APC: variants seen among roughly 807,000 people sequenced by gnomAD.
APC encodes the protein APC regulator of Wnt signaling pathway, also known as adenomatous polyposis coli protein.
A neutral mutation model predicts 247.0 loss-of-function variants in APC; 72 were observed. The ratio of observed to expected loss-of-function variants is 0.29; its 90% CI spans 0.24 to 0.35. The LOEUF (loss-of-function observed/expected upper bound fraction) is 0.35, where lower values mean the gene tolerates loss of function less well. Ranked by LOEUF, APC falls within the 10% of genes least tolerant of loss-of-function variation. The probability of loss-of-function intolerance (pLI) is 1.00; values close to 1 mark genes in which losing one functional copy is unlikely to be tolerated. For missense variants in APC, 3,400 were observed against 3,360.7 expected (o/e 1.01, Z -0.29); for synonymous variants, 1,254 against 1,162.5 (o/e 1.08, Z -1.60).
intron 2 of APC, among the ~76,000 whole-genome samples, chr5:112,759,542 G>C (rs1248589791): frequency 6.6e-6 from 1 of 151,746 alleles, no homozygotes; most frequent in Non-Finnish European, 1.5e-5. Flanking sequence ...ATTTTTAGTA[G>C]AGATGGGGTT....
Position 112,839,270 on chromosome 5 carries a change from A to G in APC, c.3676A>G (p.Lys1226Glu), listed in dbSNP as rs1765491326. ...TACGTCCACACCTTCATCTAATGCC[A>G]AGAGGCAGAATCAGCTCCATCCAAG... ...ENTSTPSSNA[K>E]RQNQLHPSSA... Residue 1226 changes from lysine (K) to glutamate (E), a missense_variant, in exon 16 of 16, where the codon AAG becomes GAG. This residue lies in a region of APC where 715 missense variants were observed against 656.6 expected (regional missense o/e 1.09). Coordinates refer to ENST00000257430, the MANE Select transcript of APC (RefSeq NM_000038.6). The surrounding 1 kb of genome is among the most constrained non-coding windows in gnomAD (Gnocchi z 5.0). 6.2e-7 allele frequency: 1 copy of G among 1,614,174 alleles called. No individual in the cohort carries two copies. Among genetic ancestry groups the G allele is most frequent in the South Asian group, 1.1e-5 (1 of 91,084 alleles).
At chr5:112,827,004 C>T in intron 11 of APC, 104 bp from the exon 12 acceptor site, 1 of 1,120,438 alleles carries the variant, frequency 8.9e-7, no homozygotes, top group South Asian at 1.4e-5. Flanking sequence ...ACCATATATT[C>T]TCATTGATTG....
intron 5 of APC, chr5:112,777,817 C>T (rs908416871): frequency 4.0e-5 from 10 of 252,602 alleles, no homozygotes; most frequent in African/African-American, 1.8e-4. Flanking sequence ...CCAATTACTC[C>T]TTCAGGATCA....
chr5:112,777,319 T>A (rs1356260237), intron 5 of APC, among the ~76,000 whole-genome samples: 2 of 152,178 alleles, frequency 1.3e-5, no homozygotes, highest in African/African-American at 4.8e-5. Context: ...GAATGGTCCT[T>A]AGGCATATGA....
At chr5:112,832,643 C>T (rs1392799624) in intron 14 of APC, among the ~76,000 whole-genome samples, 1 of 152,178 alleles carries the variant, frequency 6.6e-6, no homozygotes, top group African/African-American at 2.4e-5. Context: ...TCAGTACTCC[C>T]GCGCTGATTC....
chr5:112,734,910 C>A (rs754881745), upstream of APC, among the ~76,000 whole-genome samples: 17 of 151,500 alleles, frequency 1.1e-4, no homozygotes, highest in Non-Finnish European at 2.5e-4. Flanking sequence ...CATGCCTCAG[C>A]CTCCCAAGTA....
At chr5:112,728,039 C>A (rs925673503) in intron 1 of APC, among the ~76,000 whole-genome samples, 1 of 151,700 alleles carries the variant, frequency 6.6e-6, no homozygotes, top group Non-Finnish European at 1.5e-5. Context: ...CGGCCCAACA[C>A]AAATTCATAA....
chr5:112,819,510 A>G (rs1762899013), intron 10 of APC, among the ~76,000 whole-genome samples, 166 bp downstream of exon 10: 1 of 152,242 alleles, frequency 6.6e-6, no homozygotes, highest in Non-Finnish European at 1.5e-5. Flanking sequence ...GTATTTCCCT[A>G]GAAAAATTTA....
At position 112,771,387 on chromosome 5, in the gene APC, C is replaced by A. The variant is rs6876867; in HGVS notation, c.422+3997C>A. 6.6e-6 allele frequency among the ~76,000 whole-genome samples: 1 copy of A among 152,108 alleles called. No individual in the cohort carries two copies. Among genetic ancestry groups the A allele is most frequent in the Non-Finnish European group, 1.5e-5 (1 of 67,994 alleles). On this transcript the variant is annotated intron_variant, in intron 4 of 15. Transcript: ENST00000257430. ...TACCATTTGCTTCCTGAGCCTGCTACAAGACTGTCATACCACTGTTGTCAT... is the reference window on the plus strand; with the variant it reads ...TACCATTTGCTTCCTGAGCCTGCTAAAAGACTGTCATACCACTGTTGTCAT...
At position 112,842,279 on chromosome 5, in the gene APC, A is replaced by G. The variant is rs757939439; in HGVS notation, c.6685A>G (p.Thr2229Ala). Reference protein sequence around the residue: ...ANMPSISRGRTMIHIPGVRNS... With the variant: ...ANMPSISRGRAMIHIPGVRNS... ...CATGCCTTCAATCTCTCGAGGCAGG[A>G]CAATGATTCATATTCCAGGAGTTCG... Residue 2229 changes from threonine to alanine, a missense_variant, in exon 16 of 16, where the codon ACA becomes GCA. By Grantham distance (58) the Thr-to-Ala change is moderately conservative. Coordinates refer to ENST00000257430, the MANE Select transcript of APC (RefSeq NM_000038.6). The G allele has an allele frequency of 5.6e-6, 9 of 1,614,028 alleles. No homozygotes were observed. Among genetic ancestry groups the G allele is most frequent in the Admixed American group, 1.7e-5 (1 of 60,008 alleles).
intron 6 of APC, among the ~76,000 whole-genome samples, chr5:112,791,766 A>G (rs1759628521): frequency 6.6e-6 from 1 of 152,220 alleles, no homozygotes; most frequent in Non-Finnish European, 1.5e-5. Flanking sequence ...GATTAATATA[A>G]AAGATTAAAT....
chr5:112,729,833 A>G (rs1047245634), intron 1 of APC, among the ~76,000 whole-genome samples: 1 of 152,244 alleles, frequency 6.6e-6, no homozygotes, highest in Non-Finnish European at 1.5e-5. Flanking sequence ...TTTTGCATGC[A>G]TAAGTTTTAT....
rs1765993950 is a variant in APC at position 112,841,212 on chromosome 5, A to G, written c.5618A>G (p.Asp1873Gly). Residue 1873 changes from aspartate to glycine, a missense_variant, in exon 16 of 16, where the codon GAC becomes GGC. Physicochemically the swap from Asp to Gly is moderately conservative, Grantham distance 94. Transcript: ENST00000257430. This position sits in a 1 kb window ranked among gnomAD's most constrained non-coding sequence, Gnocchi z 4.6. ...CTAGATTTTGATGATGATGATGTTG[A>G]CCTTTCCAGGGAAAAGGCTGAATTA... ...SSLDFDDDDVDLSREKAELRK... is the reference protein window; with the variant it reads ...SSLDFDDDDVGLSREKAELRK... The G allele has an allele frequency of 6.2e-7, 1 of 1,613,790 alleles. No homozygotes were observed. Among genetic ancestry groups the G allele is most frequent in the African/African-American group, 1.3e-5 (1 of 74,892 alleles).
chr5:112,719,425 G>C (rs1347242725), intron 1 of APC, among the ~76,000 whole-genome samples: 1 of 151,040 alleles, frequency 6.6e-6, no homozygotes, highest in Non-Finnish European at 1.5e-5. Flanking sequence ...GTTTTACCAT[G>C]TTGGCCAGGC....
At chr5:112,721,490 G>A (rs1398222092) in intron 1 of APC, among the ~76,000 whole-genome samples, 3 of 152,146 alleles carry the variant, frequency 2.0e-5, no homozygotes, top group African/African-American at 7.2e-5. Flanking sequence ...TGGAGATGAC[G>A]CAGTTATTGA....
intron 1 of APC, among the ~76,000 whole-genome samples, chr5:112,719,272 C>T (rs753040662): frequency 3.3e-5 from 5 of 151,358 alleles, no homozygotes; most frequent in Non-Finnish European, 5.9e-5. Flanking sequence ...GGCTGGAGTA[C>T]AGTGGCACAA....
chr5:112,778,250 T>C (rs1757897535), intron 5 of APC: 1 of 156,022 alleles, frequency 6.4e-6, no homozygotes, highest in Admixed American at 6.5e-5. Flanking sequence ...GGGTTATAGG[T>C]CTGCAGTGTT....
chr5:112,763,316 C>T (rs1361547030), intron 2 of APC, among the ~76,000 whole-genome samples: 1 of 151,140 alleles, frequency 6.6e-6, no homozygotes, highest in Non-Finnish European at 1.5e-5. Flanking sequence ...ATTCTTTTCT[C>T]TATACATTTA....
intron 10 of APC, 23 bp downstream of exon 10, chr5:112,819,367 C>T (rs753947169): frequency 3.7e-6 from 6 of 1,613,664 alleles, no homozygotes; most frequent in Middle Eastern, 1.6e-4. Context: ...TAGTGTACAT[C>T]GTAGTGCATG....
Sources: allele counts gnomAD v4.1 joint callset (sites outside exome capture counted in the v4.1 genomes callset), GRCh38; gene constraint gnomAD v4.1.1; regional missense constraint gnomAD v4.1.1; non-coding constraint Gnocchi (gnomAD v3.1); transcripts MANE v1.5; gene names NCBI Gene and HGNC (gene_info 2026-07-23, HGNC 2026-07-21).